The following KCNJ6 variants were observed in gnomAD, a reference collection of about 807,000 sequenced individuals.
The protein encoded by KCNJ6 is potassium inwardly rectifying channel subfamily J member 6.
Under a neutral mutation model 34.2 loss-of-function variants are expected in KCNJ6, and 9 were observed. That is an observed-to-expected ratio of 0.26 (90% confidence interval 0.16 to 0.46). The LOEUF is 0.46. KCNJ6 is among the 20% of genes least tolerant of loss of function. The pLI, the probability that KCNJ6 is intolerant of heterozygous loss-of-function variation, is 1.00. For synonymous variants in KCNJ6, 196 were observed against 207.1 expected (o/e 0.95, Z 0.46); for missense variants, 236 against 531.3 (o/e 0.44, Z 5.46).
intron 2 of KCNJ6, among the ~76,000 whole-genome samples, chr21:37,834,270 CA>C (rs1221782296): frequency 6.6e-6 from 1 of 152,246 alleles, no homozygotes; most frequent in African/African-American, 2.4e-5. Context: ...CCTATCTGCC[CA>C]GTCATCTGCT....
chr21:37,615,308 G>A lies in KCNJ6; in HGVS notation c.*9851C>T, dbSNP rs530229167. On this transcript the variant is annotated 3_prime_UTR_variant, in exon 4 of 4. Transcript: ENST00000609713. ...CGCTCTGTCGCCCAGGTCGGACTGC[G>A]GACTGCAGTGGCGCAATCTCGGCTC... is the stretch of plus-strand genomic sequence containing the variant. 9 of 140,742 alleles carry A rather than the reference G, an allele frequency of 6.4e-5. No homozygotes were observed. Among genetic ancestry groups the A allele is most frequent in the African/African-American group, 2.5e-4 (9 of 36,210 alleles). The allele number at this position is 140,742 out of a possible 1,614,324, so 8.7% of individuals were successfully genotyped here.
intron 2 of KCNJ6, among the ~76,000 whole-genome samples, chr21:37,721,260 T>A (rs2054824661): frequency 2.6e-5 from 4 of 152,164 alleles, no homozygotes; most frequent in South Asian, 4.1e-4. Flanking sequence ...GTTATTATTT[T>A]AAAAAAAGAA....
chr21:37,805,668 G>A lies in KCNJ6; in HGVS notation c.25+34990C>T, dbSNP rs112467226. ...GAAGTGATCAAATTAAGATGAGTTC[G>A]GACTAGATTAAGGAGTGTCTTAATC... On this transcript the variant is annotated intron_variant, in intron 2 of 3. Transcript: ENST00000609713. Among the ~76,000 whole-genome samples, 147 of 152,180 alleles carry A rather than the reference G, an allele frequency of 9.7e-4. 1 individual carries two copies. The highest frequency in any genetic ancestry group is 3.3e-3 in the African/African-American group (139 of 41,502).
In KCNJ6 at chr21:37,610,620, A is replaced by AAAAG. The variant is rs34782067; in HGVS notation, c.*14538_*14539insCTTT. On this transcript the variant is annotated 3_prime_UTR_variant, in exon 4 of 4. Transcript: ENST00000609713. ...TCTTAAAAAAAAAAAAAAAAAAAAA[A>AAAAG]GGAATACAAGTCCTACAATGTTTGC... is the stretch of plus-strand genomic sequence containing the variant. 6.7e-6 allele frequency: 1 copy of AAAAG among 149,528 alleles called. No individual in the cohort carries two copies. Among genetic ancestry groups the AAAAG allele is most frequent in the Admixed American group, 6.7e-5 (1 of 15,018 alleles). 9.3% of individuals were successfully genotyped at this position (149,528 alleles called of 1,614,324 possible).
chr21:37,893,799 A>G (rs889147006), intron 1 of KCNJ6, among the ~76,000 whole-genome samples: 1 of 152,232 alleles, frequency 6.6e-6, no homozygotes, highest in Non-Finnish European at 1.5e-5. Flanking sequence ...TGAGAAAGGT[A>G]GAATTGACTT....
At chr21:37,801,355 C>T (rs1301682827) in intron 2 of KCNJ6, among the ~76,000 whole-genome samples, 3 of 152,156 alleles carry the variant, frequency 2.0e-5, no homozygotes, top group Non-Finnish European at 4.4e-5. Context: ...CTCCAAGATG[C>T]CATCTGGAGA....
chr21:37,752,026 C>T (rs1381730399), intron 2 of KCNJ6, among the ~76,000 whole-genome samples: 1 of 152,190 alleles, frequency 6.6e-6, no homozygotes, highest in Non-Finnish European at 1.5e-5. Flanking sequence ...GGAAAGCTAT[C>T]TACAATGTAC....
At chr21:37,780,315 G>A (rs754172377) in intron 2 of KCNJ6, among the ~76,000 whole-genome samples, 11 of 152,282 alleles carry the variant, frequency 7.2e-5, no homozygotes, top group Admixed American at 4.6e-4. Context: ...TAGGGAGATA[G>A]AGGAAGTGAT....
At chr21:37,881,051 G>A (rs1016774569) in intron 1 of KCNJ6, among the ~76,000 whole-genome samples, 32 of 152,216 alleles carry the variant, frequency 2.1e-4, no homozygotes, top group Non-Finnish European at 7.3e-5. Flanking sequence ...ATGACAACTT[G>A]AGCTGATGCA....
intron 2 of KCNJ6, among the ~76,000 whole-genome samples, chr21:37,789,567 AC>A (rs1203879762): frequency 6.6e-6 from 1 of 152,134 alleles, no homozygotes; most frequent in Non-Finnish European, 1.5e-5. Flanking sequence ...TGTCATGGAA[AC>A]CTGAGCAGAC....
At position 37,625,235 on chromosome 21, in the gene KCNJ6, T is replaced by A; in HGVS notation, c.1196A>T (p.Glu399Val). 1 of 1,614,222 alleles carries A rather than the reference T, an allele frequency of 6.2e-7. No individual in the cohort carries two copies. Among genetic ancestry groups the A allele is most frequent in the Non-Finnish European group, 8.5e-7 (1 of 1,180,034 alleles). The change falls in exon 4 of 4, where the codon GAG becomes GTG. Residue 399 changes from glutamate (E) to valine (V), a missense_variant. Transcript: ENST00000609713. ...TTGCTCTTCGAGGTTCTTTTCTTCC[T>A]CTTCAGTCTCCAGTTCTGCATGTTG... ...LNQHAELETE[E>V]EEKNLEEQTE... is the part of the protein sequence containing the mutation.
intron 2 of KCNJ6, 48 bp downstream of exon 2, chr21:37,840,610 T>C (rs753164524): frequency 5.1e-5 from 71 of 1,383,360 alleles, no homozygotes; most frequent in Non-Finnish European, 6.8e-5. Flanking sequence ...CGATTTTGCA[T>C]TTTCCCATTC....
intron 2 of KCNJ6, among the ~76,000 whole-genome samples, chr21:37,779,792 T>A (rs2055160334): frequency 6.6e-6 from 1 of 152,206 alleles, no homozygotes; most frequent in South Asian, 2.1e-4. Flanking sequence ...GAGATGAACT[T>A]TTTGGAGTCA....
intron 3 of KCNJ6, among the ~76,000 whole-genome samples, chr21:37,653,397 G>A (rs1205253036): frequency 1.3e-5 from 2 of 152,204 alleles, no homozygotes; most frequent in African/African-American, 4.8e-5. Context: ...TGGCGCAGGT[G>A]TGTGGTGGCA....
intron 3 of KCNJ6, among the ~76,000 whole-genome samples, chr21:37,692,739 T>C (rs936688530): frequency 1.3e-5 from 2 of 152,166 alleles, no homozygotes; most frequent in African/African-American, 4.8e-5. Flanking sequence ...AATGTGACAT[T>C]CTCTAACAAA....
At chr21:37,821,520 T>C (rs1204898787) in intron 2 of KCNJ6, among the ~76,000 whole-genome samples, 3 of 152,214 alleles carry the variant, frequency 2.0e-5, no homozygotes, top group African/African-American at 7.2e-5. Flanking sequence ...ATGCATTAGC[T>C]ATTTATCCTG....
At position 37,909,340 on chromosome 21, in the gene KCNJ6, C is replaced by T. The variant is rs572159429; in HGVS notation, c.-28+6544G>A. ...AAAACATCTGCTATTTTTAAAGTGCCTACTTTGTGCTGGACACTGCACAAA... is the reference window on the plus strand; with the variant it reads ...AAAACATCTGCTATTTTTAAAGTGCTTACTTTGTGCTGGACACTGCACAAA... On this transcript the variant is annotated intron_variant, in intron 1 of 3. Coordinates refer to ENST00000609713, the MANE Select transcript of KCNJ6 (RefSeq NM_002240.5). Among the ~76,000 whole-genome samples, 5 of 151,842 alleles carry T rather than the reference C, an allele frequency of 3.3e-5. No individual in the cohort carries two copies. In the East Asian group the frequency reaches 9.7e-4, roughly 29 times the overall value.
chr21:37,665,132 C>T (rs2054508137), intron 3 of KCNJ6, among the ~76,000 whole-genome samples: 2 of 152,050 alleles, frequency 1.3e-5, no homozygotes, highest in Admixed American at 1.3e-4. Flanking sequence ...AGTCATTTGC[C>T]AAATGGGTCA....
chr21:37,703,367 G>A (rs1281227187), intron 3 of KCNJ6, among the ~76,000 whole-genome samples: 1 of 151,726 alleles, frequency 6.6e-6, no homozygotes, highest in Non-Finnish European at 1.5e-5. Flanking sequence ...GAGAGGCCCA[G>A]GTATGTGGTG....
Sources: allele counts gnomAD v4.1 joint callset (sites outside exome capture counted in the v4.1 genomes callset), GRCh38; gene constraint gnomAD v4.1.1; transcripts MANE v1.5; gene names NCBI Gene and HGNC (gene_info 2026-07-23, HGNC 2026-07-21).